Variants in STK32A observed in about 807,000 individuals in gnomAD.
STK32A encodes serine/threonine kinase 32A.
A neutral mutation model predicts 53.2 loss-of-function variants in STK32A; 41 were observed. That is an observed-to-expected ratio of 0.77 (90% CI 0.60 to 1.00). STK32A has a LOEUF of 1.00. Among genes scored for constraint, STK32A ranks in the 50% least tolerant of loss-of-function variants. The pLI is 0.00. For synonymous variants in STK32A, 166 were observed against 162.8 expected, an observed-to-expected ratio of 1.02 and a Z score of -0.15; for missense variants, 458 against 485.8, an observed-to-expected ratio of 0.94 and a Z score of 0.54.
chr5:147,291,918 C>T (rs73797608), intron 4 of STK32A, among the ~76,000 whole-genome samples: 50,743 of 152,010 alleles, frequency 0.33, 8,850 homozygotes, highest in South Asian at 0.6. Flanking sequence ...TGGCCATGTA[C>T]GCATTTTTAA....
intron 6 of STK32A, chr5:147,348,562 A>G: frequency 1.5e-6 from 1 of 680,792 alleles, no homozygotes; most frequent in Non-Finnish European, 2.8e-6. Context: ...AACCTTCTCT[A>G]CCTTCCACTT....
At chr5:147,306,551 G>A (rs1344113199) in intron 4 of STK32A, among the ~76,000 whole-genome samples, 3 of 150,540 alleles carry the variant, frequency 2.0e-5, no homozygotes, top group Admixed American at 6.6e-5. Context: ...TATTTAAAAT[G>A]TATTATATAT....
At chr5:147,266,659 T>C (rs944543770) in intron 2 of STK32A, among the ~76,000 whole-genome samples, 1 of 152,164 alleles carries the variant, frequency 6.6e-6, no homozygotes, top group African/African-American at 2.4e-5. Context: ...TCTTCCTTCA[T>C]GGAGTCTATA....
At chr5:147,318,392 T>G (rs1196018770) in intron 4 of STK32A, among the ~76,000 whole-genome samples, 1 of 152,152 alleles carries the variant, frequency 6.6e-6, no homozygotes, top group African/African-American at 2.4e-5. Context: ...TGTGTTAATT[T>G]TATATGATAT....
chr5:147,342,780 TC>T, intron 5 of STK32A: 1 of 519,678 alleles, frequency 1.9e-6, no homozygotes, highest in Non-Finnish European at 3.4e-6. Context: ...GCCCATTTCT[TC>T]CATTTACTAG....
At chr5:147,292,217 A>G (rs1009749881) in intron 4 of STK32A, among the ~76,000 whole-genome samples, 8 of 152,218 alleles carry the variant, frequency 5.3e-5, no homozygotes, top group Non-Finnish European at 7.3e-5. Flanking sequence ...TATAAAGTCA[A>G]CTTCAATTCA....
At chr5:147,356,971 C>A (rs1756277075) in intron 7 of STK32A, among the ~76,000 whole-genome samples, 1 of 152,000 alleles carries the variant, frequency 6.6e-6, no homozygotes, top group Admixed American at 6.6e-5. Context: ...ATAGTGTATT[C>A]TCTTACTGAA....
intron 11 of STK32A, among the ~76,000 whole-genome samples, chr5:147,380,175 G>T (rs2152007539): frequency 6.6e-6 from 1 of 152,220 alleles, no homozygotes; most frequent in Admixed American, 6.5e-5. Flanking sequence ...GATTTTTAAT[G>T]CTAAAAATTA....
chr5:147,313,910 CA>C (rs1324858675), intron 4 of STK32A, among the ~76,000 whole-genome samples: 1 of 152,074 alleles, frequency 6.6e-6, no homozygotes, highest in East Asian at 1.9e-4. Context: ...ACACCATGTA[CA>C]AAATTAGCTC....
At chr5:147,394,334 G>A in the STK32A span, among the ~76,000 whole-genome samples, 2 of 152,188 alleles carry the variant, frequency 1.3e-5, no homozygotes, top group Non-Finnish European at 2.9e-5. Flanking sequence ...GAAAAGCCAA[G>A]TTCTTATCTA....
chr5:147,384,391 G>C lies in STK32A; in HGVS notation c.*408G>C. Reference sequence around the variant, plus strand: ...ATTATGCAGTGACAAATGGACAAATGGACACAGGACTCAGTGAGACTTTTC... The same window carrying C: ...ATTATGCAGTGACAAATGGACAAATCGACACAGGACTCAGTGAGACTTTTC... On this transcript the variant is annotated 3_prime_UTR_variant, in exon 13 of 13. Coordinates refer to ENST00000397936, the MANE Select transcript of STK32A (RefSeq NM_001112724.2). 1 of 1,532,632 alleles carries C rather than the reference G, an allele frequency of 6.5e-7. No homozygotes were observed. Among genetic ancestry groups the C allele is most frequent in the Non-Finnish European group, 8.7e-7 (1 of 1,145,120 alleles). The allele number at this position is 1,532,632 out of a possible 1,614,324, so 94.9% of individuals were successfully genotyped here. A position where few individuals can be genotyped will look rare whatever the true frequency, so the allele number is the denominator to read the frequency against.
At chr5:147,393,121 G>C in the STK32A span, 1 of 152,206 alleles carries the variant, frequency 6.6e-6, no homozygotes, top group African/African-American at 2.4e-5. Context: ...AGAAGAGTGA[G>C]AGGTGACCTC....
intron 5 of STK32A, among the ~76,000 whole-genome samples, chr5:147,325,407 C>T (rs974818211): frequency 6.6e-6 from 1 of 152,012 alleles, no homozygotes; most frequent in Non-Finnish European, 1.5e-5. Context: ...CCTGCCTCAG[C>T]CTCCCAAAAT....
intron 8 of STK32A, among the ~76,000 whole-genome samples, chr5:147,367,551 G>A (rs966916525): frequency 9.2e-5 from 14 of 151,976 alleles, no homozygotes; most frequent in African/African-American, 2.4e-4. Context: ...GATTTGGGTA[G>A]GTAAAGGAAA....
intron 6 of STK32A, chr5:147,348,627 TAA>T: frequency 1.4e-6 from 1 of 739,016 alleles, no homozygotes. Context: ...CTATGCAGAC[TAA>T]AGTAGACAGT....
intron 7 of STK32A, among the ~76,000 whole-genome samples, chr5:147,353,040 G>C (rs569321282): frequency 1.9e-4 from 29 of 152,286 alleles, no homozygotes; most frequent in African/African-American, 6.0e-4. Flanking sequence ...AGCTCTTAGC[G>C]TAATTCCTCC....
chr5:147,398,651 TC>T, the STK32A span, among the ~76,000 whole-genome samples: 1 of 152,324 alleles, frequency 6.6e-6, no homozygotes, highest in East Asian at 1.9e-4. Flanking sequence ...TATTTCCTAT[TC>T]TTTCCCTTTC....
At chr5:147,362,311 G>C (rs1246452116) in intron 8 of STK32A, among the ~76,000 whole-genome samples, 2 of 152,200 alleles carry the variant, frequency 1.3e-5, no homozygotes, top group African/African-American at 4.8e-5. Context: ...ATGGAGGTTG[G>C]AAGTCTGAGA....
chr5:147,314,101 C>T lies in STK32A; in HGVS notation c.261-9797C>T, dbSNP rs944073427. On this transcript the variant is annotated intron_variant, in intron 4 of 12. Coordinates refer to ENST00000397936, the MANE Select transcript of STK32A (RefSeq NM_001112724.2). ...ACCATCAAAATTGAAAACTTTTATG[C>T]TTTTTATACTTCAAAGTCACTATCA... 2.6e-5 allele frequency among the ~76,000 whole-genome samples: 4 copies of T among 152,054 alleles called. 1 individual carries two copies. In the South Asian group the frequency reaches 8.3e-4, roughly 32 times the overall value.
Sources: gnomAD v4.1 joint callset for allele counts (sites outside exome capture counted in the v4.1 genomes callset) on GRCh38, gnomAD v4.1.1 for gene constraint, MANE v1.5 for transcripts, NCBI Gene and HGNC (gene_info 2026-07-23, HGNC 2026-07-21) for gene names.